NTNG1: variants seen among roughly 807,000 people sequenced by gnomAD.
The protein encoded by NTNG1 is netrin-G1.
NTNG1 carries 16 observed loss-of-function variants against 54.0 expected under a neutral mutation model. That is an observed-to-expected ratio of 0.30 (90% CI 0.20 to 0.45). The LOEUF is 0.45. Among genes scored for constraint, NTNG1 ranks in the 20% least tolerant of loss-of-function variants. The pLI, the probability that NTNG1 is intolerant of heterozygous loss-of-function variation, is 1.00. For synonymous variants in NTNG1, 255 were observed against 263.1 expected, an observed-to-expected ratio of 0.97 and a Z score of 0.30; for missense variants, 530 against 678.7, an observed-to-expected ratio of 0.78 and a Z score of 2.43.
chr1:107,147,581 G>T (rs2101009288), intron 1 of NTNG1, among the ~76,000 whole-genome samples: 1 of 152,190 alleles, frequency 6.6e-6, no homozygotes, highest in African/African-American at 2.4e-5. Context: ...CAACAATGCG[G>T]ATTTTCACTC....
At chr1:107,329,325 A>G (rs1294938265) in intron 3 of NTNG1, among the ~76,000 whole-genome samples, 1 of 152,108 alleles carries the variant, frequency 6.6e-6, no homozygotes, top group East Asian at 1.9e-4. Context: ...CAGGCCCCCT[A>G]CGTCACTCTC....
At chr1:107,404,022 G>A (rs1485398805) in intron 4 of NTNG1, among the ~76,000 whole-genome samples, 1 of 151,212 alleles carries the variant, frequency 6.6e-6, no homozygotes, top group Admixed American at 6.6e-5. Flanking sequence ...TTGTTCCAGA[G>A]ATGGAGTTAA....
intron 2 of NTNG1, among the ~76,000 whole-genome samples, chr1:107,220,242 T>C (rs1478015731): frequency 2.6e-5 from 4 of 152,184 alleles, no homozygotes; most frequent in Admixed American, 6.5e-5. Flanking sequence ...TCCAGGCAGC[T>C]GGTGGTCAGA....
intron 2 of NTNG1, among the ~76,000 whole-genome samples, chr1:107,167,370 T>A (rs1397247225): frequency 6.6e-6 from 1 of 151,938 alleles, no homozygotes; most frequent in Non-Finnish European, 1.5e-5. Context: ...TAATATATAT[T>A]CTATATGATT....
intron 5 of NTNG1, among the ~76,000 whole-genome samples, chr1:107,423,184 CT>C (rs1674678758): frequency 6.6e-6 from 1 of 152,024 alleles, no homozygotes; most frequent in African/African-American, 2.4e-5. Context: ...CAACTGCCTT[CT>C]ATGTTTCAAT....
intron 5 of NTNG1, among the ~76,000 whole-genome samples, chr1:107,413,786 A>C (rs1674004650): frequency 6.6e-6 from 1 of 152,182 alleles, no homozygotes; most frequent in Non-Finnish European, 1.5e-5. Flanking sequence ...AAAGCATCTA[A>C]ATAATGACAG....
intron 2 of NTNG1, among the ~76,000 whole-genome samples, chr1:107,222,494 T>C (rs1557822791): frequency 6.6e-6 from 1 of 152,152 alleles, no homozygotes. Context: ...TAGGCAAAGT[T>C]TAGCAGAGTG....
chr1:107,364,506 C>T (rs1266476073), intron 3 of NTNG1, among the ~76,000 whole-genome samples: 4 of 152,130 alleles, frequency 2.6e-5, no homozygotes, highest in African/African-American at 4.8e-5. Flanking sequence ...TTAAAAGACT[C>T]ATTGAATTTT....
intron 2 of NTNG1, among the ~76,000 whole-genome samples, chr1:107,317,074 G>A (rs1217826200): frequency 6.6e-6 from 1 of 152,100 alleles, no homozygotes; most frequent in Non-Finnish European, 1.5e-5. Flanking sequence ...ACTTCAAAGA[G>A]GTCTTGGACT....
intron 2 of NTNG1, among the ~76,000 whole-genome samples, chr1:107,167,451 G>A (rs1655886565): frequency 6.6e-6 from 1 of 151,482 alleles, no homozygotes; most frequent in South Asian, 2.1e-4. Context: ...CTAATAACTT[G>A]TATAATTATT....
At chr1:107,174,441 C>T (rs1656486339) in intron 2 of NTNG1, among the ~76,000 whole-genome samples, 1 of 152,046 alleles carries the variant, frequency 6.6e-6, no homozygotes, top group Admixed American at 6.6e-5. Flanking sequence ...CTCCCTCCTT[C>T]TGCCCTGATC....
chr1:107,298,203 A>G (rs577744580), intron 2 of NTNG1, among the ~76,000 whole-genome samples: 1 of 152,358 alleles, frequency 6.6e-6, no homozygotes, highest in South Asian at 2.1e-4. Flanking sequence ...TGAGTTTATT[A>G]TATCTCAAGT....
At chr1:107,440,987 C>G (rs1675927253) in intron 7 of NTNG1, among the ~76,000 whole-genome samples, 1 of 151,856 alleles carries the variant, frequency 6.6e-6, no homozygotes, top group African/African-American at 2.4e-5. Flanking sequence ...CTGGCAGAAT[C>G]AAAATTAGTG....
intron 2 of NTNG1, among the ~76,000 whole-genome samples, chr1:107,261,494 T>C (rs1372927132): frequency 6.6e-6 from 1 of 152,092 alleles, no homozygotes; most frequent in African/African-American, 2.4e-5. Flanking sequence ...AACATTATAA[T>C]TAATATTTTA....
intron 5 of NTNG1, among the ~76,000 whole-genome samples, chr1:107,424,276 G>A (rs954094111): frequency 2.0e-5 from 3 of 152,042 alleles, no homozygotes; most frequent in African/African-American, 7.2e-5. Flanking sequence ...AAGTGCAAAG[G>A]CCCTGGGAAG....
chr1:107,433,161 T>G (rs1473288228), intron 6 of NTNG1, among the ~76,000 whole-genome samples: 1 of 152,190 alleles, frequency 6.6e-6, no homozygotes, highest in Non-Finnish European at 1.5e-5. Flanking sequence ...TTTATCGAGG[T>G]AAACCTGTTT....
intron 3 of NTNG1, among the ~76,000 whole-genome samples, chr1:107,364,353 A>G (rs1670464653): frequency 6.6e-6 from 1 of 152,150 alleles, no homozygotes; most frequent in Non-Finnish European, 1.5e-5. Flanking sequence ...TAAGCTATTC[A>G]CTTATTATTA....
At chr1:107,178,053 TCA>T (rs1656780494) in intron 2 of NTNG1, among the ~76,000 whole-genome samples, 1 of 152,204 alleles carries the variant, frequency 6.6e-6, no homozygotes, top group South Asian at 2.1e-4. Flanking sequence ...ACACTACTAT[TCA>T]CAGTGTTAAG....
chr1:107,188,073 C>A (rs1285309582), intron 2 of NTNG1, among the ~76,000 whole-genome samples: 4 of 150,412 alleles, frequency 2.7e-5, no homozygotes, highest in Non-Finnish European at 4.4e-5. Context: ...TTTTTTTTGA[C>A]AACTATGTGC....
Sources: allele counts gnomAD v4.1 joint callset (sites outside exome capture counted in the v4.1 genomes callset), GRCh38; gene constraint gnomAD v4.1.1; transcripts MANE v1.5; gene names NCBI Gene and HGNC (gene_info 2026-07-23, HGNC 2026-07-21).